Variants in PDE10A observed in about 807,000 individuals in gnomAD.
PDE10A encodes phosphodiesterase 10A.
PDE10A carries 39 observed loss-of-function variants against 97.7 expected under a neutral mutation model. The ratio of observed to expected loss-of-function variants is 0.40; its 90% CI spans 0.31 to 0.52. PDE10A has a LOEUF of 0.52. Ranked by LOEUF, PDE10A falls within the 20% of genes least tolerant of loss-of-function variation. The pLI is 0.56. For missense variants in PDE10A, 731 were observed against 1,047.8 expected (o/e 0.70, Z 4.17); for synonymous variants, 371 against 376.8 (o/e 0.98, Z 0.18).
At chr6:165,636,272 T>C (rs1788870437) in intron 1 of PDE10A, among the ~76,000 whole-genome samples, 1 of 152,128 alleles carries the variant, frequency 6.6e-6, no homozygotes, top group African/African-American at 2.4e-5. Context: ...GCTAGTTCAC[T>C]GGCTATGTGA....
rs764001186 is a variant in PDE10A at position 165,478,894 on chromosome 6, A to T, written c.1023+3421T>A. Among the ~76,000 whole-genome samples the T allele has an allele frequency of 2.0e-5, 3 of 152,170 alleles. No individual in the cohort carries two copies. The East Asian group carries it at 5.8e-4, about 29-fold the overall frequency. ...TCTTTCAACTAATTGCCCATCAGAA[A>T]ATTTTTGAATCCGACTATGACCTGG... On this transcript the variant is annotated intron_variant, in intron 3 of 21. Coordinates refer to ENST00000539869, the MANE Select transcript of PDE10A (RefSeq NM_001385079.1).
At position 165,466,984 on chromosome 6, in the gene PDE10A, T is replaced by C. The variant is rs140654813; in HGVS notation, c.1023+15331A>G. On this transcript the variant is annotated intron_variant, in intron 3 of 21. Coordinates refer to ENST00000539869, the MANE Select transcript of PDE10A (RefSeq NM_001385079.1). ...ATTAAAAGTGCTAATCTAAAGAACA[T>C]ATGAATAATAAGAAGAAACAGCCTT... Among the ~76,000 whole-genome samples the C allele has an allele frequency of 4.6e-3, 700 of 152,278 alleles. 3 individuals carry two copies. Among genetic ancestry groups the C allele is most frequent in the Middle Eastern group, 0.01 (3 of 294 alleles).
At chr6:165,934,008 G>C (rs548851005) in intron 1 of PDE10A, among the ~76,000 whole-genome samples, 5 of 149,116 alleles carry the variant, frequency 3.4e-5, no homozygotes. Flanking sequence ...TTTTTTAGTC[G>C]GAGTCTCACT....
intron 1 of PDE10A, among the ~76,000 whole-genome samples, chr6:165,627,658 A>C (rs926450926): frequency 3.3e-5 from 5 of 152,202 alleles, no homozygotes; most frequent in African/African-American, 4.8e-5. Context: ...GAGTAATCAA[A>C]CACCACACAA....
Position 165,902,675 on chromosome 6 carries a change from G to A in PDE10A, c.-615+84854C>T, listed in dbSNP as rs552659412. ...TACCCACCAGCAATGATATTTCCTC[G>A]CCATCCTTCCCATTCCAGGTGTGGC... On this transcript the variant is annotated intron_variant, in intron 1 of 19. Coordinates refer to the PDE10A transcript ENST00000366882. Among the ~76,000 whole-genome samples the A allele has an allele frequency of 1.1e-4, 17 of 152,268 alleles. No individual in the cohort carries two copies. The South Asian group carries it at 2.9e-3, about 26-fold the overall frequency.
chr6:165,805,931 C>T (rs1343075429), intron 1 of PDE10A, among the ~76,000 whole-genome samples: 2 of 150,960 alleles, frequency 1.3e-5, no homozygotes, highest in African/African-American at 4.9e-5. Context: ...AAGGAAGAAT[C>T]CTCTTGTGTA....
intron 1 of PDE10A, among the ~76,000 whole-genome samples, chr6:165,668,807 G>A (rs1447409362): frequency 8.8e-5 from 13 of 147,908 alleles, no homozygotes; most frequent in Admixed American, 8.1e-4. Flanking sequence ...GGAAGGAAAG[G>A]AGGGAGGGAG....
chr6:165,539,621 G>A (rs1047103344), intron 2 of PDE10A, among the ~76,000 whole-genome samples: 1 of 152,168 alleles, frequency 6.6e-6, no homozygotes, highest in Non-Finnish European at 1.5e-5. Flanking sequence ...AGGAACCTGT[G>A]GGAATTAAAA....
chr6:165,612,613 A>G (rs1374368711), intron 1 of PDE10A, among the ~76,000 whole-genome samples: 2 of 152,120 alleles, frequency 1.3e-5, no homozygotes, highest in Non-Finnish European at 2.9e-5. Context: ...CAGGTGATCT[A>G]CTTGCTTTGC....
intron 1 of PDE10A, among the ~76,000 whole-genome samples, chr6:165,902,459 A>G (rs965453568): frequency 1.3e-5 from 2 of 152,244 alleles, no homozygotes; most frequent in Non-Finnish European, 2.9e-5. Flanking sequence ...CATGACATGC[A>G]TAGGTGGTGC....
chr6:165,870,709 C>A (rs1273336701), intron 1 of PDE10A, among the ~76,000 whole-genome samples: 1 of 152,006 alleles, frequency 6.6e-6, no homozygotes, highest in Non-Finnish European at 1.5e-5. Context: ...AATATAAGTG[C>A]CCAGGAGAGG....
intron 1 of PDE10A, among the ~76,000 whole-genome samples, chr6:165,737,630 T>A (rs1212716751): frequency 6.6e-6 from 1 of 152,194 alleles, no homozygotes; most frequent in Non-Finnish European, 1.5e-5. Flanking sequence ...ATCTTCATGA[T>A]AAAAGCTCTC....
At chr6:165,541,024 T>G (rs1783407153) in intron 2 of PDE10A, among the ~76,000 whole-genome samples, 1 of 152,206 alleles carries the variant, frequency 6.6e-6, no homozygotes, top group African/African-American at 2.4e-5. Context: ...TCAAGGGCCA[T>G]GCTACAGAAT....
chr6:165,741,062 T>G (rs1792708652), intron 1 of PDE10A, among the ~76,000 whole-genome samples: 2 of 152,140 alleles, frequency 1.3e-5, no homozygotes, highest in African/African-American at 4.8e-5. Flanking sequence ...GTGACTATAG[T>G]TAATAATACT....
chr6:165,457,976 C>T (rs867449706), intron 3 of PDE10A, among the ~76,000 whole-genome samples: 1 of 151,962 alleles, frequency 6.6e-6, no homozygotes, highest in Admixed American at 6.6e-5. Context: ...GAGGTGGCAC[C>T]AACATATCCA....
chr6:165,919,624 T>A (rs1782698209), intron 1 of PDE10A, among the ~76,000 whole-genome samples: 1 of 152,188 alleles, frequency 6.6e-6, no homozygotes. Context: ...TTTACAGCCC[T>A]TTGAGCATAT....
chr6:165,447,484 G>T (rs777844618), intron 5 of PDE10A, among the ~76,000 whole-genome samples: 1 of 152,222 alleles, frequency 6.6e-6, no homozygotes, highest in Non-Finnish European at 1.5e-5. Context: ...GGGGGCTGCT[G>T]GAGGCGGCTC....
chr6:165,669,778 G>A (rs1230106493), intron 1 of PDE10A, among the ~76,000 whole-genome samples: 1 of 152,150 alleles, frequency 6.6e-6, no homozygotes, highest in Non-Finnish European at 1.5e-5. Flanking sequence ...TTCCTGATTT[G>A]AAACATCCAT....
intron 1 of PDE10A, among the ~76,000 whole-genome samples, chr6:165,736,530 C>T (rs539611287): frequency 6.6e-6 from 1 of 152,030 alleles, no homozygotes; most frequent in Non-Finnish European, 1.5e-5. Flanking sequence ...GCAAGGCTGG[C>T]CTCCCAAGCT....
Sources: allele counts gnomAD v4.1 joint callset (sites outside exome capture counted in the v4.1 genomes callset), GRCh38; gene constraint gnomAD v4.1.1; transcripts MANE v1.5; gene names NCBI Gene and HGNC (gene_info 2026-07-23, HGNC 2026-07-21).